PRPF18: variants seen among roughly 807,000 people sequenced by gnomAD.
PRPF18 encodes the protein pre-mRNA processing factor 18, also known as pre-mRNA-splicing factor 18.
In PRPF18, 38 loss-of-function variants were observed where a neutral mutation model predicts 46.5. The observed-to-expected ratio is 0.82, with a 90% CI of 0.63 to 1.07. The LOEUF is 1.07. PRPF18 is among the 50% of genes least tolerant of loss of function. The pLI is 0.00. For missense variants in PRPF18, 263 were observed against 410.0 expected (o/e 0.64, Z 3.10); for synonymous variants, 152 against 146.7 (o/e 1.04, Z -0.26).
the PRPF18 span, chr10:13,653,069 C>T: frequency 0.33 from 50,628 of 152,044 alleles, 9,423 homozygotes; most frequent in East Asian, 0.77. Context: ...GTATTTCCCC[C>T]GCAAGGGGAT....
At chr10:13,603,793 A>G (rs1457484060) in intron 3 of PRPF18, among the ~76,000 whole-genome samples, 2 of 152,234 alleles carry the variant, frequency 1.3e-5, no homozygotes, top group East Asian at 1.9e-4. Context: ...CCACATGTTT[A>G]TGACGGACAT....
At chr10:13,608,327 G>A (rs1167323632) in intron 4 of PRPF18, among the ~76,000 whole-genome samples, 1 of 152,190 alleles carries the variant, frequency 6.6e-6, no homozygotes, top group African/African-American at 2.4e-5. Flanking sequence ...CCCCTTTCCT[G>A]GCGTCTCAGT....
intron 1 of PRPF18, chr10:13,592,407 C>T (rs909584597): frequency 3.7e-5 from 8 of 218,220 alleles, no homozygotes; most frequent in Non-Finnish European, 5.4e-5. Flanking sequence ...TTGTCATTAC[C>T]GCATCTGTAG....
chr10:13,594,003 A>G (rs951037122), intron 1 of PRPF18, among the ~76,000 whole-genome samples: 3 of 152,240 alleles, frequency 2.0e-5, no homozygotes, highest in African/African-American at 4.8e-5. Flanking sequence ...TGCGCATGCT[A>G]TAGGCATGGA....
At chr10:13,622,936 C>T (rs2080441299) in intron 9 of PRPF18, among the ~76,000 whole-genome samples, 2 of 152,148 alleles carry the variant, frequency 1.3e-5, no homozygotes, top group South Asian at 2.1e-4. Context: ...CGGTGGCTCA[C>T]GCCTGTAATC....
chr10:13,632,580 A>G (rs1564466767), downstream of PRPF18: 4 of 152,210 alleles, frequency 2.6e-5, no homozygotes, highest in East Asian at 7.7e-4. Flanking sequence ...TTCCATATAA[A>G]GAAACTGTCA....
At chr10:13,638,997 C>T in the PRPF18 span, 1 of 152,194 alleles carries the variant, frequency 6.6e-6, no homozygotes, top group African/African-American at 2.4e-5. Flanking sequence ...ACTTCTTGAC[C>T]TTCAAAATCA....
the PRPF18 span, chr10:13,651,764 C>T: frequency 1.6e-6 from 1 of 609,178 alleles, no homozygotes. Context: ...AAACATAGTT[C>T]CAGTTCCCCA....
downstream of PRPF18, among the ~76,000 whole-genome samples, chr10:13,635,827 T>G (rs1279066224): frequency 6.6e-6 from 1 of 152,206 alleles, no homozygotes; most frequent in African/African-American, 2.4e-5. Context: ...ACAAAAGGAC[T>G]ATAATTCTTT....
chr10:13,621,658 C>T (rs1193057789), intron 9 of PRPF18, among the ~76,000 whole-genome samples: 2 of 152,150 alleles, frequency 1.3e-5, no homozygotes, highest in Admixed American at 6.5e-5. Context: ...GCATCCTCCT[C>T]GCTATGTATA....
intron 9 of PRPF18, among the ~76,000 whole-genome samples, chr10:13,618,019 G>A (rs2080370599): frequency 6.6e-6 from 1 of 152,124 alleles, no homozygotes; most frequent in African/African-American, 2.4e-5. Context: ...TAATGGACTC[G>A]TGTCTCTTAG....
intron 2 of PRPF18, among the ~76,000 whole-genome samples, chr10:13,599,690 C>G (rs140389075): frequency 1.3e-5 from 2 of 152,276 alleles, no homozygotes; most frequent in African/African-American, 4.8e-5. Flanking sequence ...TCAGTTTGGA[C>G]CAACTCTTCG....
intron 5 of PRPF18, among the ~76,000 whole-genome samples, chr10:13,610,400 T>C (rs149341008): frequency 6.6e-6 from 1 of 152,352 alleles, no homozygotes; most frequent in African/African-American, 2.4e-5. Context: ...TTCTAATATG[T>C]TGGATATGCA....
intron 1 of PRPF18, chr10:13,591,624 T>C (rs2079962640): frequency 3.5e-5 from 22 of 632,632 alleles, no homozygotes; most frequent in South Asian, 3.4e-4. Flanking sequence ...TTTTCTGTGC[T>C]GAAGATCTCA....
intron 9 of PRPF18, among the ~76,000 whole-genome samples, chr10:13,617,274 T>C (rs768170457): frequency 6.6e-6 from 1 of 152,252 alleles, no homozygotes; most frequent in Non-Finnish European, 1.5e-5. Context: ...TCACTTAAAA[T>C]GCATAAAGTG....
intron 3 of PRPF18, among the ~76,000 whole-genome samples, chr10:13,601,246 G>A (rs758470380): frequency 1.3e-5 from 2 of 152,102 alleles, no homozygotes; most frequent in Non-Finnish European, 2.9e-5. Context: ...CAAAGACTAC[G>A]TATATTTTTA....
At chr10:13,590,705 TACA>T (rs896018729) in intron 1 of PRPF18, among the ~76,000 whole-genome samples, 1 of 152,012 alleles carries the variant, frequency 6.6e-6, no homozygotes, top group African/African-American at 2.4e-5. Context: ...TTCTAACTTG[TACA>T]ACAAGTTGCC....
chr10:13,654,752 G>T, the PRPF18 span: 5 of 550,596 alleles, frequency 9.1e-6, no homozygotes, highest in South Asian at 1.3e-4. Context: ...CCACTACCAT[G>T]CACCTTCATT....
intron 9 of PRPF18, among the ~76,000 whole-genome samples, chr10:13,629,037 G>A (rs930808367): frequency 2.6e-5 from 4 of 152,222 alleles, no homozygotes; most frequent in African/African-American, 9.6e-5. Context: ...GATTCTGAAA[G>A]ATCACAGACT....
Sources: allele counts gnomAD v4.1 joint callset (sites outside exome capture counted in the v4.1 genomes callset), GRCh38; gene constraint gnomAD v4.1.1; transcripts MANE v1.5; gene names NCBI Gene and HGNC (gene_info 2026-07-23, HGNC 2026-07-21).